Variants in CATSPERT observed in about 807,000 individuals in gnomAD.
The protein encoded by CATSPERT is cation channel sperm-associated targeting subunit tau.
the CATSPERT span, chr2:201,556,168 A>G: frequency 6.6e-6 from 1 of 152,242 alleles, no homozygotes; most frequent in Admixed American, 6.5e-5. Flanking sequence ...GGCTTTATCA[A>G]CTTTTAAAGG....
At chr2:201,597,930 T>C in the CATSPERT span, among the ~76,000 whole-genome samples, 2 of 152,344 alleles carry the variant, frequency 1.3e-5, no homozygotes, top group South Asian at 4.1e-4. Flanking sequence ...CCTAGATCTA[T>C]GTTGTACATT....
chr2:201,609,590 C>A, the CATSPERT span, among the ~76,000 whole-genome samples: 1 of 152,150 alleles, frequency 6.6e-6, no homozygotes, highest in Non-Finnish European at 1.5e-5. Context: ...CTTCAATGAT[C>A]ATTGGGTCAA....
chr2:201,562,975 T>C, the CATSPERT span, among the ~76,000 whole-genome samples: 2 of 150,746 alleles, frequency 1.3e-5, no homozygotes, highest in Non-Finnish European at 3.0e-5. Flanking sequence ...TTTCCCCCCT[T>C]TCTATTCCAC....
At chr2:201,563,541 G>A in the CATSPERT span, among the ~76,000 whole-genome samples, 46 of 152,140 alleles carry the variant, frequency 3.0e-4, no homozygotes, top group African/African-American at 1.0e-3. Flanking sequence ...AGGGGCGGCC[G>A]GGCAGAGGCA....
At chr2:201,574,811 C>T in the CATSPERT span, among the ~76,000 whole-genome samples, 1 of 151,946 alleles carries the variant, frequency 6.6e-6, no homozygotes, top group African/African-American at 2.4e-5. Flanking sequence ...CAGCAAAAGC[C>T]TCTCTGAATA....
the CATSPERT span, chr2:201,493,523 C>G: frequency 2.0e-6 from 3 of 1,536,832 alleles, no homozygotes; most frequent in Admixed American, 5.9e-5. Flanking sequence ...ATCCCAGATT[C>G]TAAAAGTGTA....
the CATSPERT span, among the ~76,000 whole-genome samples, chr2:201,601,273 AGTGTGTGT>A: frequency 1.7e-4 from 7 of 41,806 alleles, no homozygotes; most frequent in African/African-American, 3.5e-4. Flanking sequence ...TAAGGATGAT[AGTGTGTGT>A]GTGTGTGTGT....
chr2:201,584,633 T>G, the CATSPERT span, among the ~76,000 whole-genome samples: 24 of 151,194 alleles, frequency 1.6e-4, no homozygotes, highest in African/African-American at 5.8e-4. Context: ...AAATACAAAA[T>G]TTAGCCGGGC....
the CATSPERT span, chr2:201,534,833 T>C: frequency 6.1e-6 from 5 of 824,464 alleles, no homozygotes; most frequent in African/African-American, 1.8e-5. Flanking sequence ...TAAAAACTTA[T>C]GGAATATTAA....
At chr2:201,577,516 T>C in the CATSPERT span, among the ~76,000 whole-genome samples, 1 of 152,224 alleles carries the variant, frequency 6.6e-6, no homozygotes. Context: ...CAGATGAATA[T>C]GTGCTGTATA....
At chr2:201,563,637 T>A in the CATSPERT span, among the ~76,000 whole-genome samples, 1 of 152,210 alleles carries the variant, frequency 6.6e-6, no homozygotes. Context: ...CCTTTGTAGT[T>A]TATTTCTTAA....
At chr2:201,531,368 A>T in the CATSPERT span, among the ~76,000 whole-genome samples, 5 of 152,116 alleles carry the variant, frequency 3.3e-5, no homozygotes, top group Admixed American at 3.3e-4. Flanking sequence ...CTAATTATGT[A>T]TGTCTTTGAG....
the CATSPERT span, chr2:201,601,609 G>A: frequency 1.2e-6 from 1 of 821,886 alleles, no homozygotes; most frequent in Admixed American, 3.3e-5. Flanking sequence ...AATACTGTAA[G>A]ATACCAAATA....
the CATSPERT span, among the ~76,000 whole-genome samples, chr2:201,582,845 G>A: frequency 6.6e-6 from 1 of 152,078 alleles, no homozygotes; most frequent in Non-Finnish European, 1.5e-5. Context: ...GTGCCTTCCT[G>A]CAGTGTTTCT....
At chr2:201,614,136 C>T in the CATSPERT span, among the ~76,000 whole-genome samples, 1 of 152,202 alleles carries the variant, frequency 6.6e-6, no homozygotes. Context: ...AAACACTCTT[C>T]AGGATATTAT....
chr2:201,608,734 C>G, the CATSPERT span, among the ~76,000 whole-genome samples: 2 of 151,474 alleles, frequency 1.3e-5, no homozygotes, highest in Admixed American at 6.6e-5. Context: ...GGAGGATCAC[C>G]TGAGCCCAGG....
the CATSPERT span, among the ~76,000 whole-genome samples, chr2:201,561,209 G>A: frequency 2.6e-5 from 4 of 152,166 alleles, no homozygotes; most frequent in Non-Finnish European, 5.9e-5. Context: ...TACAACCAAT[G>A]ACTATTAGTA....
the CATSPERT span, chr2:201,545,640 A>G: frequency 2.4e-6 from 2 of 850,016 alleles, no homozygotes; most frequent in Non-Finnish European, 3.4e-6. Flanking sequence ...AAAAAAAAAA[A>G]AAAAAAAAAA....
the CATSPERT span, chr2:201,493,815 C>A: frequency 1.3e-6 from 2 of 1,535,968 alleles, no homozygotes; most frequent in African/African-American, 1.4e-5. Context: ...TTAAATGTTT[C>A]TTTTTGGTAC....
Sources: gnomAD v4.1 joint callset for allele counts (sites outside exome capture counted in the v4.1 genomes callset) on GRCh38, gnomAD v4.1.1 for gene constraint, MANE v1.5 for transcripts, NCBI Gene and HGNC (gene_info 2026-07-23, HGNC 2026-07-21) for gene names.